The following CPED1 variants were observed in gnomAD, a reference collection of about 807,000 sequenced individuals.
CPED1 encodes cadherin-like and PC-esterase domain-containing protein 1.
In CPED1, 114 loss-of-function variants were observed where a neutral mutation model predicts 128.2. The observed-to-expected ratio is 0.89, with a 90% CI of 0.76 to 1.04. The LOEUF is 1.04. CPED1 is among the 50% of genes least tolerant of loss of function. The probability of loss-of-function intolerance (pLI) is 0.00; values close to 1 mark genes in which losing one functional copy is unlikely to be tolerated. For synonymous variants in CPED1, 462 were observed against 426.7 expected (o/e 1.08, Z -1.02); for missense variants, 1,211 against 1,207.1 (o/e 1.00, Z -0.05).
intron 16 of CPED1, among the ~76,000 whole-genome samples, chr7:121,188,297 G>C (rs1362628736): frequency 6.6e-6 from 1 of 152,102 alleles, no homozygotes; most frequent in African/African-American, 2.4e-5. Flanking sequence ...TGGGTACATA[G>C]TAGGTATATA....
intron 4 of CPED1, among the ~76,000 whole-genome samples, chr7:121,060,907 G>C (rs1338112966): frequency 6.6e-6 from 1 of 152,174 alleles, no homozygotes; most frequent in African/African-American, 2.4e-5. Flanking sequence ...GCGAAGATCT[G>C]CAGCTTCACT....
rs1796263974 is a variant in CPED1 at position 120,988,869 on chromosome 7, A to G, written c.-275A>G. 1 of 152,214 alleles carries G rather than the reference A, an allele frequency of 6.6e-6. No individual in the cohort carries two copies. Among genetic ancestry groups the G allele is most frequent in the East Asian group, 1.9e-4 (1 of 5,196 alleles). The allele number at this position is 152,214 out of a possible 1,614,324, so 9.4% of individuals were successfully genotyped here. A position where few individuals can be genotyped will look rare whatever the true frequency, so the allele number is the denominator to read the frequency against. ...GTTTTCATCAGCAATCCATTAGGAA[A>G]TCATGGAAACTTTTTTTTTCCTGGC... On this transcript the variant is annotated 5_prime_UTR_variant, in exon 1 of 23. Transcript: ENST00000310396.
At chr7:121,137,574 A>G (rs975790790) in intron 14 of CPED1, among the ~76,000 whole-genome samples, 1 of 152,102 alleles carries the variant, frequency 6.6e-6, no homozygotes, top group African/African-American at 2.4e-5. Context: ...TGTTAAGGTC[A>G]TGGTAGGCTG....
At chr7:121,276,650 C>T (rs1792335674) in intron 22 of CPED1, among the ~76,000 whole-genome samples, 1 of 151,964 alleles carries the variant, frequency 6.6e-6, no homozygotes, top group South Asian at 2.1e-4. Context: ...CTTGAATTAC[C>T]ATCCAAGTTA....
intron 16 of CPED1, among the ~76,000 whole-genome samples, chr7:121,174,410 G>C (rs1796728543): frequency 1.3e-5 from 2 of 152,018 alleles, no homozygotes; most frequent in African/African-American, 4.8e-5. Context: ...ATGGTGTAAG[G>C]AAGGGGTCCA....
chr7:121,237,969 C>T (rs762674513), intron 17 of CPED1, among the ~76,000 whole-genome samples: 10 of 152,096 alleles, frequency 6.6e-5, no homozygotes, highest in Non-Finnish European at 1.3e-4. Flanking sequence ...ATATATTATT[C>T]CATACAAAGG....
chr7:121,120,442 CCTTAAGTACCAACATTCCCTGATATGA>C (rs1563033404), intron 7 of CPED1, among the ~76,000 whole-genome samples: 2 of 152,078 alleles, frequency 1.3e-5, no homozygotes, highest in African/African-American at 2.4e-5. Context: ...TGCAAAATGA[CCTTAAGTACCAACATTCCCTGATATGA>C]CTTAAGTACC....
chr7:121,119,731 T>A lies in CPED1; in HGVS notation c.919-4600T>A, dbSNP rs146559378. On this transcript the variant is annotated intron_variant, in intron 7 of 22. Coordinates refer to ENST00000310396, the MANE Select transcript of CPED1 (RefSeq NM_024913.5). ...CATAATCCTTTCTAAGTGTATACTT[T>A]AGTAGCGTTAAGTATTTTTACACTA... Among the ~76,000 whole-genome samples, 1,010 of 152,186 alleles carry A rather than the reference T, an allele frequency of 6.6e-3. 10 individuals carry two copies. The highest frequency in any genetic ancestry group is 0.023 in the African/African-American group (937 of 41,530).
intron 7 of CPED1, among the ~76,000 whole-genome samples, chr7:121,116,586 A>C (rs544007667): frequency 1.4e-4 from 22 of 152,294 alleles, no homozygotes; most frequent in South Asian, 4.1e-4. Flanking sequence ...ACAGTTTTGA[A>C]CATGTTTTAG....
At position 121,068,560 on chromosome 7, in the gene CPED1, C is replaced by G. The variant is rs908236594; in HGVS notation, c.616+4247C>G. On this transcript the variant is annotated intron_variant, in intron 5 of 22. Transcript: ENST00000310396. ...AAGTAAGGTAGTGTGATGCCTCCAG[C>G]TTTGTTCTTTTGGCTTAGGATTGAC... is the stretch of plus-strand genomic sequence containing the variant. 4.5e-4 allele frequency among the ~76,000 whole-genome samples: 68 copies of G among 151,024 alleles called. 2 individuals carry two copies. Among genetic ancestry groups the G allele is most frequent in the African/African-American group, 1.6e-3 (66 of 40,478 alleles).
intron 16 of CPED1, among the ~76,000 whole-genome samples, chr7:121,161,447 C>T (rs1796410441): frequency 6.6e-6 from 1 of 152,152 alleles, no homozygotes. Flanking sequence ...AATCTCTCTC[C>T]CAGGATTTTT....
intron 7 of CPED1, among the ~76,000 whole-genome samples, chr7:121,113,246 A>G (rs1795154837): frequency 6.6e-6 from 1 of 152,162 alleles, no homozygotes; most frequent in Non-Finnish European, 1.5e-5. Context: ...AATCCCTACT[A>G]TGTGCTGGGC....
intron 5 of CPED1, among the ~76,000 whole-genome samples, chr7:121,082,771 G>A (rs956467189): frequency 2.6e-5 from 4 of 152,076 alleles, no homozygotes; most frequent in Non-Finnish European, 5.9e-5. Flanking sequence ...CTATAACTTT[G>A]TGATAAACTT....
chr7:121,200,648 G>GT (rs1257447367), intron 16 of CPED1, among the ~76,000 whole-genome samples: 14 of 151,964 alleles, frequency 9.2e-5, no homozygotes, highest in East Asian at 1.9e-4. Flanking sequence ...AAATTTTAAA[G>GT]TTTTTTTAAA....
At position 121,236,829 on chromosome 7, in the gene CPED1, A is replaced by G. The variant is rs756455226; in HGVS notation, c.2171A>G (p.Lys724Arg). 1 of 1,507,070 alleles carries G rather than the reference A, an allele frequency of 6.6e-7. No individual in the cohort carries two copies. Among genetic ancestry groups the G allele is most frequent in the Admixed American group, 1.8e-5 (1 of 55,988 alleles). 93.4% of individuals were successfully genotyped at this position (1,507,070 alleles called of 1,614,324 possible). Residue 724 changes from lysine to arginine, a missense_variant and splice_region_variant, in exon 17 of 23, where the codon AAA becomes AGA. Transcript: ENST00000310396. ...AAAAGATGTCCATCTGGGGACATGA[A>G]AGGTGACTATCACATTGGATATCAC... ...ELKRCPSGDM[K>R]GQWIVPCLSC... is the part of the protein sequence containing the mutation.
intron 21 of CPED1, among the ~76,000 whole-genome samples, chr7:121,270,508 T>C (rs984900684): frequency 1.3e-5 from 2 of 152,142 alleles, no homozygotes; most frequent in Non-Finnish European, 2.9e-5. Flanking sequence ...AGGATTTTTA[T>C]AGTTTAAGGT....
intron 16 of CPED1, among the ~76,000 whole-genome samples, chr7:121,212,321 A>G (rs1431122193): frequency 1.3e-5 from 2 of 152,006 alleles, no homozygotes; most frequent in East Asian, 3.9e-4. Context: ...AAAAATTGCA[A>G]TTTATAAATC....
intron 16 of CPED1, among the ~76,000 whole-genome samples, chr7:121,219,113 T>C (rs1797822518): frequency 6.6e-6 from 1 of 152,094 alleles, no homozygotes; most frequent in South Asian, 2.1e-4. Context: ...GAATGTTGTA[T>C]CTAAGCATAT....
intron 2 of CPED1, among the ~76,000 whole-genome samples, chr7:121,011,708 G>A (rs1401288357): frequency 6.6e-6 from 1 of 151,902 alleles, no homozygotes; most frequent in Non-Finnish European, 1.5e-5. Context: ...GGAGGCCCAG[G>A]AAAAAAATCA....
Sources: gnomAD v4.1 joint callset for allele counts (sites outside exome capture counted in the v4.1 genomes callset) on GRCh38, gnomAD v4.1.1 for gene constraint, MANE v1.5 for transcripts, NCBI Gene and HGNC (gene_info 2026-07-23, HGNC 2026-07-21) for gene names.